The following ADAMTS2 variants were observed in gnomAD, a reference collection of about 807,000 sequenced individuals.
ADAMTS2 encodes the protein A disintegrin and metalloproteinase with thrombospondin motifs 2.
ADAMTS2 carries 50 observed loss-of-function variants against 123.0 expected under a neutral mutation model. That is an observed-to-expected ratio of 0.41 (90% CI 0.32 to 0.51). The LOEUF (loss-of-function observed/expected upper bound fraction) is 0.51, where lower values mean the gene tolerates loss of function less well. Among genes scored for constraint, ADAMTS2 ranks in the 20% least tolerant of loss-of-function variants. The probability of loss-of-function intolerance (pLI) is 0.35; values close to 1 mark genes in which losing one functional copy is unlikely to be tolerated. For synonymous variants in ADAMTS2, 678 were observed against 695.4 expected (o/e 0.98, Z 0.39); for missense variants, 1,494 against 1,705.2 (o/e 0.88, Z 2.18).
At chr5:179,134,776 TCCCCCAG>T (rs1763025307) in intron 13 of ADAMTS2, among the ~76,000 whole-genome samples, 1 of 29,648 alleles carries the variant, frequency 3.4e-5, no homozygotes, top group Admixed American at 4.1e-4. Context: ...CCCGGCTCCA[TCCCCCAG>T]CTCCCGGCTC....
intron 10 of ADAMTS2, among the ~76,000 whole-genome samples, chr5:179,140,555 A>T (rs1044495206): frequency 5.3e-5 from 8 of 152,208 alleles, no homozygotes; most frequent in Admixed American, 3.3e-4. Context: ...TCTTAATCTG[A>T]TCACAGTGCT....
At chr5:179,232,259 T>C (rs1240726770) in intron 3 of ADAMTS2, among the ~76,000 whole-genome samples, 2 of 152,230 alleles carry the variant, frequency 1.3e-5, no homozygotes. Flanking sequence ...TCTCCGACTA[T>C]GCCCAAGTGC....
At chr5:179,326,326 G>T (rs1180761247) in intron 2 of ADAMTS2, among the ~76,000 whole-genome samples, 5 of 151,988 alleles carry the variant, frequency 3.3e-5, no homozygotes, top group Non-Finnish European at 7.4e-5. Context: ...GGCTCTCGGT[G>T]ATGTCAGCGG....
At chr5:179,230,915 G>A (rs1309129728) in intron 3 of ADAMTS2, among the ~76,000 whole-genome samples, 1 of 152,072 alleles carries the variant, frequency 6.6e-6, no homozygotes, top group Non-Finnish European at 1.5e-5. Context: ...GGAGGCTGAG[G>A]CAGGAGAATG....
chr5:179,320,310 T>A (rs1440590000), intron 2 of ADAMTS2, among the ~76,000 whole-genome samples: 2 of 151,738 alleles, frequency 1.3e-5, no homozygotes, highest in Non-Finnish European at 2.9e-5. Context: ...CTCCTCCATT[T>A]TTTTGGGTTT....
rs1762828661 is a variant in ADAMTS2 at position 179,125,011 on chromosome 5, G to A, written c.2920C>T (p.Leu974Phe). Residue 974 changes from leucine to phenylalanine, a missense_variant, in exon 19 of 22, where the codon CTC (leucine) becomes TTC (phenylalanine). Coordinates refer to ENST00000251582, the MANE Select transcript of ADAMTS2 (RefSeq NM_014244.5). Reference protein sequence around the residue: ...PESRRACSRELCPGRWRAGPW... With the variant: ...PESRRACSREFCPGRWRAGPW... ...CCGGCTCGCCAACGACCAGGGCAGA[G>A]CTCGCGGCTGCAGGCCCGGCGGCTC... The A allele has an allele frequency of 1.2e-6, 2 of 1,607,416 alleles. No individual in the cohort carries two copies. The highest frequency in any genetic ancestry group is 1.7e-6 in the Non-Finnish European group (2 of 1,178,582).
At position 179,308,556 on chromosome 5, in the gene ADAMTS2, T is replaced by G. The variant is rs1178416113; in HGVS notation, c.534+35211A>C. ...CAGGCCCCCATAATAGACAGCCTCATTTTTTTTTTCTAGGCAAAACTTTGG... is the reference window on the plus strand; with the variant it reads ...CAGGCCCCCATAATAGACAGCCTCAGTTTTTTTTTCTAGGCAAAACTTTGG... On this transcript the variant is annotated intron_variant, in intron 2 of 21. Transcript: ENST00000251582. The surrounding 1 kb of genome is among the most constrained non-coding windows in gnomAD (Gnocchi z 6.6). 6.6e-6 allele frequency among the ~76,000 whole-genome samples: 1 copy of G among 150,574 alleles called. No individual in the cohort carries two copies. Among genetic ancestry groups the G allele is most frequent in the Admixed American group, 6.6e-5 (1 of 15,122 alleles).
chr5:179,116,395 C>G (rs948319741), intron 21 of ADAMTS2, among the ~76,000 whole-genome samples: 1 of 152,104 alleles, frequency 6.6e-6, no homozygotes, highest in Non-Finnish European at 1.5e-5. Context: ...CAATGCCTCT[C>G]TCCTGCCTCC....
Position 179,158,882 on chromosome 5 carries a change from G to A in ADAMTS2, c.976-3C>T. 1 of 1,613,952 alleles carries A rather than the reference G, an allele frequency of 6.2e-7. No individual in the cohort carries two copies. The highest frequency in any genetic ancestry group is 8.5e-7 in the Non-Finnish European group (1 of 1,179,980). On this transcript the variant is annotated splice_polypyrimidine_tract_variant and splice_region_variant and intron_variant, in intron 5 of 21. Coordinates refer to ENST00000251582, the MANE Select transcript of ADAMTS2 (RefSeq NM_014244.5). This position sits in a 1 kb window ranked among gnomAD's most constrained non-coding sequence, Gnocchi z 5.0. ...CCGATCTCGATGAGGCTCATGGACT[G>A]CAGGGGGATGGAGAGAAATGGAAGA...
At chr5:179,289,244 A>C (rs1431758247) in intron 2 of ADAMTS2, among the ~76,000 whole-genome samples, 1 of 152,210 alleles carries the variant, frequency 6.6e-6, no homozygotes, top group Non-Finnish European at 1.5e-5. Flanking sequence ...TCGGTGGTCA[A>C]ATCTGGGGCA....
At chr5:179,174,156 GGGTT>G (rs1198299841) in intron 5 of ADAMTS2, among the ~76,000 whole-genome samples, 1 of 152,110 alleles carries the variant, frequency 6.6e-6, no homozygotes, top group Non-Finnish European at 1.5e-5. Context: ...CATCTTAACA[GGGTT>G]GATGCTTTAT....
In ADAMTS2 at chr5:179,228,766, C is replaced by T. The variant is rs568119037; in HGVS notation, c.689-21051G>A. Among the ~76,000 whole-genome samples the T allele has an allele frequency of 1.8e-4, 27 of 152,346 alleles. No homozygotes were observed. Among genetic ancestry groups the T allele is most frequent in the Admixed American group, 1.5e-3 (23 of 15,312 alleles). ...GGGAAGGCTCCTGTGGGGCTCCAGA[C>T]CCGGGGCGGTGCCTTCACCACGGCC... On this transcript the variant is annotated intron_variant, in intron 3 of 21. Coordinates refer to ENST00000251582, the MANE Select transcript of ADAMTS2 (RefSeq NM_014244.5). This position sits in a 1 kb window ranked among gnomAD's most constrained non-coding sequence, Gnocchi z 5.2.
chr5:179,114,046 CTG>C lies in ADAMTS2; in HGVS notation c.3455_3456del (p.Thr1152ArgfsTer11). On this transcript the variant is annotated frameshift_variant, in exon 22 of 22. Transcript: ENST00000251582. LOFTEE classifies it high-confidence loss of function. ...ACGGCATTGGTTTCTGGGTGATCCTCTGTGGCATTGGTGCTGGAGGCATTGAG... is the reference window on the plus strand; with the variant it reads ...ACGGCATTGGTTTCTGGGTGATCCTCTGGCATTGGTGCTGGAGGCATTGAG... ...VPLNASSTNATEDHPETNAVD... is the reference protein window; with the variant it reads ...VPLNASSTNAXEDHPETNAVD... The C allele has an allele frequency of 6.2e-7, 1 of 1,614,136 alleles. No homozygotes were observed. Among genetic ancestry groups the C allele is most frequent in the South Asian group, 1.1e-5 (1 of 91,080 alleles).
chr5:179,203,674 C>T (rs1764615523), intron 4 of ADAMTS2, among the ~76,000 whole-genome samples: 1 of 152,178 alleles, frequency 6.6e-6, no homozygotes, highest in African/African-American at 2.4e-5. Context: ...AAACAAAGTA[C>T]TCTTCGGGGT....
At position 179,314,946 on chromosome 5, in the gene ADAMTS2, C is replaced by T. The variant is rs1756943784; in HGVS notation, c.534+28821G>A. Among the ~76,000 whole-genome samples the T allele has an allele frequency of 6.6e-6, 1 of 152,278 alleles. No homozygotes were observed. The highest frequency in any genetic ancestry group is 2.4e-5 in the African/African-American group (1 of 41,546). On this transcript the variant is annotated intron_variant, in intron 2 of 21. Transcript: ENST00000251582. The surrounding 1 kb of genome is among the most constrained non-coding windows in gnomAD (Gnocchi z 4.5). ...TCTTTCCTGACATTAAGCGACTCCC[C>T]TCCCAGAGCCTAATCACAGCCAGCT...
intron 3 of ADAMTS2, among the ~76,000 whole-genome samples, chr5:179,236,498 G>A (rs766085149): frequency 1.1e-4 from 16 of 152,260 alleles, no homozygotes; most frequent in South Asian, 2.1e-4. Flanking sequence ...ATAAAGAATC[G>A]TTTAAAAAGA....
Position 179,287,460 on chromosome 5 carries a change from C to T in ADAMTS2, c.535-14396G>A, listed in dbSNP as rs77212310. ...AGCAGGAGCCCTGCTCCAGAGCCCA[C>T]GACTGGAGCCAGCTGAGGCTGGTGT... On this transcript the variant is annotated intron_variant, in intron 2 of 21. Coordinates refer to ENST00000251582, the MANE Select transcript of ADAMTS2 (RefSeq NM_014244.5). 3.6e-3 allele frequency among the ~76,000 whole-genome samples: 542 copies of T among 152,318 alleles called. 2 individuals carry two copies. The highest frequency in any genetic ancestry group is 0.017 in the Middle Eastern group (5 of 294).
rs567635584 is a variant in ADAMTS2 at position 179,126,006 on chromosome 5, G to C, written c.2742C>G (p.Ser914=). 7 of 1,613,466 alleles carry C rather than the reference G, an allele frequency of 4.3e-6. No homozygotes were observed. The highest frequency in any genetic ancestry group is 1.3e-5 in the African/African-American group (1 of 75,076). ...GAGCTGGGGGCACTCACACTGGCTG[G>C]GAGCATTCCTGTGGGTTGCACGCTC... is the stretch of plus-strand genomic sequence containing the variant. ...IRRACNPQEC[S]QPVWVTGEWE... is the part of the protein sequence containing the mutation. The change falls in exon 18 of 22, where the codon TCC becomes TCG. Residue 914 remains serine (S), a synonymous_variant. Transcript: ENST00000251582.
intron 2 of ADAMTS2, among the ~76,000 whole-genome samples, chr5:179,329,176 A>AAC (rs1757407568): frequency 6.6e-6 from 1 of 151,982 alleles, no homozygotes; most frequent in Non-Finnish European, 1.5e-5. Context: ...AAATACAAAA[A>AAC]ATTAGCCGGG....
Sources: allele counts gnomAD v4.1 joint callset (sites outside exome capture counted in the v4.1 genomes callset), GRCh38; gene constraint gnomAD v4.1.1; non-coding constraint Gnocchi (gnomAD v3.1); transcripts MANE v1.5; gene names NCBI Gene and HGNC (gene_info 2026-07-23, HGNC 2026-07-21).